COL5A2: variants seen among roughly 807,000 people sequenced by gnomAD.
The protein encoded by COL5A2 is collagen type V alpha 2 chain.
A neutral mutation model predicts 208.2 loss-of-function variants in COL5A2; 23 were observed. The observed-to-expected ratio is 0.11, with a 90% CI of 0.08 to 0.16. The LOEUF (loss-of-function observed/expected upper bound fraction) is 0.16. Among genes scored for constraint, COL5A2 ranks in the 10% least tolerant of loss-of-function variants. The pLI is 1.00. For missense variants in COL5A2, 1,590 were observed against 1,956.4 expected (o/e 0.81, Z 3.53); for synonymous variants, 625 against 628.5 (o/e 0.99, Z 0.08).
the COL5A2 span, among the ~76,000 whole-genome samples, chr2:189,285,259 TC>T: frequency 6.6e-6 from 1 of 152,102 alleles, no homozygotes; most frequent in East Asian, 1.9e-4. Flanking sequence ...TTGGCACTGT[TC>T]CCCTAATGCC....
the COL5A2 span, among the ~76,000 whole-genome samples, chr2:189,355,706 C>T: frequency 6.6e-6 from 1 of 152,136 alleles, no homozygotes; most frequent in African/African-American, 2.4e-5. Flanking sequence ...GAATATAGCA[C>T]ACTAATGGGT....
chr2:189,317,885 C>A, the COL5A2 span, among the ~76,000 whole-genome samples: 1 of 152,044 alleles, frequency 6.6e-6, no homozygotes, highest in Non-Finnish European at 1.5e-5. Context: ...AGCTGGTATT[C>A]AAAATTATTT....
At chr2:189,090,286 C>G (rs990938680) in intron 7 of COL5A2, among the ~76,000 whole-genome samples, 6 of 152,188 alleles carry the variant, frequency 3.9e-5, no homozygotes, top group Non-Finnish European at 8.8e-5. Flanking sequence ...GGCCCTAACC[C>G]TCTTCAATTC....
intron 41 of COL5A2, 59 bp downstream of exon 41, chr2:189,052,113 G>A: frequency 1.5e-6 from 2 of 1,359,306 alleles, no homozygotes; most frequent in East Asian, 2.3e-5. Flanking sequence ...TAACTCAAAT[G>A]TATACGTGTG....
the COL5A2 span, among the ~76,000 whole-genome samples, chr2:189,234,470 G>A: frequency 6.6e-6 from 1 of 151,568 alleles, no homozygotes; most frequent in Non-Finnish European, 1.5e-5. Context: ...GAAGATTTTG[G>A]TAATGTAGTT....
At chr2:189,039,645 C>A (rs938593731) in intron 50 of COL5A2, 82 bp from the exon 51 acceptor site, 4 of 1,333,994 alleles carry the variant, frequency 3.0e-6, no homozygotes, top group Non-Finnish European at 4.1e-6. Context: ...ATAGGGAGTT[C>A]CAATGAGACA....
rs537038178 is a variant in COL5A2 at position 189,163,445 on chromosome 2, T to C, written c.97+16063A>G. On this transcript the variant is annotated intron_variant, in intron 1 of 53. Coordinates refer to ENST00000374866, the MANE Select transcript of COL5A2 (RefSeq NM_000393.5). ...AATTCAGTTAATATGAAAAATTTGA[T>C]ATCAGATTATTTTGAATTTTTTTTA... is the stretch of plus-strand genomic sequence containing the variant. Among the ~76,000 whole-genome samples the C allele has an allele frequency of 2.8e-4, 42 of 152,358 alleles. 1 individual carries two copies. The highest frequency in any genetic ancestry group is 7.7e-4 in the African/African-American group (32 of 41,588).
At chr2:189,165,260 C>G (rs988978295) in intron 1 of COL5A2, among the ~76,000 whole-genome samples, 34 of 152,030 alleles carry the variant, frequency 2.2e-4, no homozygotes, top group Non-Finnish European at 4.0e-4. Flanking sequence ...TGTAAATAAT[C>G]AAGAGCTAAG....
At chr2:189,400,448 C>A in the COL5A2 span, among the ~76,000 whole-genome samples, 1 of 152,090 alleles carries the variant, frequency 6.6e-6, no homozygotes, top group Non-Finnish European at 1.5e-5. Flanking sequence ...TTAAGCTACC[C>A]ATTAACTTTT....
chr2:189,037,604 C>A (rs1159328733), intron 51 of COL5A2, among the ~76,000 whole-genome samples: 1 of 152,180 alleles, frequency 6.6e-6, no homozygotes, highest in Non-Finnish European at 1.5e-5. Context: ...TAGGATCCCT[C>A]TTCTCTAGGT....
chr2:189,194,613 C>A (rs1014761309), intron 1 of COL5A2, among the ~76,000 whole-genome samples: 1 of 152,108 alleles, frequency 6.6e-6, no homozygotes, highest in African/African-American at 2.4e-5. Flanking sequence ...AATTCTTAAG[C>A]TGTGCCCTAA....
At chr2:189,347,763 T>C in the COL5A2 span, among the ~76,000 whole-genome samples, 1 of 152,164 alleles carries the variant, frequency 6.6e-6, no homozygotes, top group Non-Finnish European at 1.5e-5. Flanking sequence ...TCTGTGCTAT[T>C]AGAAGATTTT....
intron 1 of COL5A2, among the ~76,000 whole-genome samples, chr2:189,201,828 G>C (rs994913586): frequency 6.6e-6 from 1 of 151,650 alleles, no homozygotes; most frequent in Non-Finnish European, 1.5e-5. Context: ...TATGCTTTAG[G>C]AAGAAAAAAG....
intron 1 of COL5A2, among the ~76,000 whole-genome samples, chr2:189,195,536 G>A (rs1181912761): frequency 6.6e-6 from 1 of 152,058 alleles, no homozygotes; most frequent in Non-Finnish European, 1.5e-5. Context: ...AACAAACCTG[G>A]AGGCATCACC....
chr2:189,216,716 GT>G (rs1438126126), intron 1 of COL5A2, among the ~76,000 whole-genome samples: 1 of 152,016 alleles, frequency 6.6e-6, no homozygotes, highest in Non-Finnish European at 1.5e-5. Context: ...GTGAACTTGG[GT>G]AAATTATCTA....
the COL5A2 span, among the ~76,000 whole-genome samples, chr2:189,405,553 T>C: frequency 6.6e-6 from 1 of 152,156 alleles, no homozygotes; most frequent in South Asian, 2.1e-4. Flanking sequence ...TTTTAACAAG[T>C]TTAGTGTCAC....
At chr2:189,337,647 T>G in the COL5A2 span, among the ~76,000 whole-genome samples, 4 of 152,108 alleles carry the variant, frequency 2.6e-5, no homozygotes, top group African/African-American at 9.7e-5. Context: ...TTTAAGAGAA[T>G]AGAAGAACAG....
chr2:189,112,983 A>G (rs1687313225), intron 1 of COL5A2, among the ~76,000 whole-genome samples: 1 of 152,204 alleles, frequency 6.6e-6, no homozygotes, highest in African/African-American at 2.4e-5. Context: ...AAGTTTTATG[A>G]TTGAGAAGGA....
intron 1 of COL5A2, among the ~76,000 whole-genome samples, chr2:189,135,419 A>G (rs1355770417): frequency 6.6e-6 from 1 of 152,210 alleles, no homozygotes; most frequent in African/African-American, 2.4e-5. Context: ...CAGAGTACAT[A>G]TCTGGTAAAA....
Sources: allele counts gnomAD v4.1 joint callset (sites outside exome capture counted in the v4.1 genomes callset), GRCh38; gene constraint gnomAD v4.1.1; transcripts MANE v1.5; gene names NCBI Gene and HGNC (gene_info 2026-07-23, HGNC 2026-07-21).